Variants in NRG1 observed in about 807,000 individuals in gnomAD.
NRG1 encodes pro-neuregulin-1, membrane-bound isoform.
NRG1 carries 18 observed loss-of-function variants against 63.8 expected under a neutral mutation model. The observed-to-expected ratio is 0.28, with a 90% CI of 0.19 to 0.42. NRG1 has a LOEUF of 0.42. Ranked by LOEUF, NRG1 falls within the 10% of genes least tolerant of loss-of-function variation. The pLI, the probability that NRG1 is intolerant of heterozygous loss-of-function variation, is 1.00. For missense variants in NRG1, 762 were observed against 814.7 expected (o/e 0.94, Z 0.79); for synonymous variants, 302 against 301.3 (o/e 1.00, Z -0.02).
At chr8:32,458,657 C>A (rs1821919399) in intron 1 of NRG1, among the ~76,000 whole-genome samples, 1 of 152,088 alleles carries the variant, frequency 6.6e-6, no homozygotes, top group East Asian at 1.9e-4. Flanking sequence ...CAGGTGAAGT[C>A]ATTTCCTAAC....
chr8:32,170,623 A>T (rs6468088), intron 1 of NRG1, among the ~76,000 whole-genome samples: 11,332 of 152,200 alleles, frequency 0.074, 848 homozygotes, highest in African/African-American at 0.2. Flanking sequence ...CTCTTATTCA[A>T]AATCAAGCTG....
chr8:32,346,093 A>C (rs2129478887), intron 1 of NRG1, among the ~76,000 whole-genome samples: 1 of 147,294 alleles, frequency 6.8e-6, no homozygotes, highest in Admixed American at 6.8e-5. Context: ...TAATTTATAT[A>C]CTTATAAATT....
chr8:32,377,285 T>C (rs1809751234), intron 1 of NRG1, among the ~76,000 whole-genome samples: 1 of 152,228 alleles, frequency 6.6e-6, no homozygotes, highest in African/African-American at 2.4e-5. Flanking sequence ...AAAGGTTGAA[T>C]AACAAGTATT....
Position 32,204,908 on chromosome 8 carries a change from A to G in NRG1, c.38-390920A>G, listed in dbSNP as rs778807591. On this transcript the variant is annotated intron_variant, in intron 1 of 10. Transcript: ENST00000519301. ...CAGAAATGTGTTCAAAATCATATCT[A>G]TAGCAATGATCACCACAGCGGTAGT... 1.2e-4 allele frequency among the ~76,000 whole-genome samples: 18 copies of G among 152,352 alleles called. No individual in the cohort carries two copies. In the South Asian group the frequency reaches 1.4e-3, roughly 12 times the overall value.
rs868554874 is a variant in NRG1, at chr8:31,912,571, T to C, written c.37+273140T>C. On this transcript the variant is annotated intron_variant, in intron 1 of 10. Coordinates refer to the NRG1 transcript ENST00000519301. ...TCTGCAGAGCTTTAGAAATGCTTTT[T>C]TTTTTTTTTTTTTTTTTGATGTGGT... Among the ~76,000 whole-genome samples the C allele has an allele frequency of 5.6e-3, 586 of 104,082 alleles. 6 individuals carry two copies. Among genetic ancestry groups the C allele is most frequent in the African/African-American group, 0.015 (556 of 36,388 alleles). 68.3% of individuals were successfully genotyped at this position (104,082 alleles called of 152,430 possible). A position where few individuals can be genotyped will look rare whatever the true frequency, so the allele number is the denominator to read the frequency against.
chr8:32,405,579 A>T (rs1813844940), intron 1 of NRG1, among the ~76,000 whole-genome samples: 1 of 152,130 alleles, frequency 6.6e-6, no homozygotes. Flanking sequence ...TTTCTCTCCA[A>T]ACAACTGGTT....
intron 1 of NRG1, among the ~76,000 whole-genome samples, chr8:32,360,769 G>T (rs1448184870): frequency 6.6e-6 from 1 of 152,168 alleles, no homozygotes; most frequent in African/African-American, 2.4e-5. Flanking sequence ...TCCTGTAACA[G>T]TTGCCCCCAG....
rs147869210 is a variant in NRG1 at position 32,114,883 on chromosome 8, A to G, written c.37+475452A>G. On this transcript the variant is annotated intron_variant, in intron 1 of 10. Coordinates refer to the NRG1 transcript ENST00000519301. ...GTTGACAAGACAAATGTCTGTTTCT[A>G]CTACTGCAGAGGATAGAGTTTAACC... 3.9e-4 allele frequency among the ~76,000 whole-genome samples: 60 copies of G among 152,292 alleles called. 1 individual carries two copies. The East Asian group carries it at 0.011, about 27-fold the overall frequency.
chr8:31,937,563 C>T (rs535922952), intron 1 of NRG1, among the ~76,000 whole-genome samples: 6 of 152,246 alleles, frequency 3.9e-5, no homozygotes, highest in South Asian at 2.1e-4. Context: ...CCTGAGATGT[C>T]GAAAAACTGT....
intron 1 of NRG1, among the ~76,000 whole-genome samples, chr8:31,865,584 T>A (rs1376914682): frequency 2.6e-5 from 4 of 152,114 alleles, no homozygotes; most frequent in African/African-American, 9.7e-5. Flanking sequence ...GTGAGTGAGT[T>A]ATCATGACAT....
intron 1 of NRG1, among the ~76,000 whole-genome samples, chr8:31,836,315 A>G (rs1450912863): frequency 6.6e-6 from 1 of 152,106 alleles, no homozygotes; most frequent in Non-Finnish European, 1.5e-5. Context: ...TGACTTTATC[A>G]TATTTATTTT....
chr8:31,718,016 T>C (rs1268141195), intron 1 of NRG1, among the ~76,000 whole-genome samples: 1 of 152,194 alleles, frequency 6.6e-6, no homozygotes, highest in African/African-American at 2.4e-5. Flanking sequence ...ATGTTTGATC[T>C]TTTTCTATCA....
intron 1 of NRG1, among the ~76,000 whole-genome samples, chr8:32,309,993 A>G (rs940664058): frequency 1.5e-4 from 23 of 152,222 alleles, no homozygotes; most frequent in African/African-American, 4.8e-4. Context: ...ATTTTGCTCA[A>G]TGAACTTGAT....
chr8:32,255,889 T>C (rs1563238097), intron 1 of NRG1, among the ~76,000 whole-genome samples: 2 of 152,200 alleles, frequency 1.3e-5, no homozygotes, highest in South Asian at 2.1e-4. Context: ...CCATATTTCT[T>C]AGGGGCTTTG....
chr8:31,978,785 A>T (rs926558848), intron 1 of NRG1, among the ~76,000 whole-genome samples: 2 of 152,180 alleles, frequency 1.3e-5, no homozygotes, highest in Non-Finnish European at 2.9e-5. Flanking sequence ...CATGTATGTG[A>T]GATGTTTAAA....
At chr8:31,708,028 G>A (rs970720796) in intron 1 of NRG1, among the ~76,000 whole-genome samples, 2 of 151,790 alleles carry the variant, frequency 1.3e-5, no homozygotes, top group African/African-American at 4.8e-5. Flanking sequence ...GCATGATAAT[G>A]GTTTTTGGTC....
chr8:32,711,727 G>T (rs539791863), intron 5 of NRG1, among the ~76,000 whole-genome samples: 1 of 152,156 alleles, frequency 6.6e-6, no homozygotes, highest in African/African-American at 2.4e-5. Flanking sequence ...CCTCCCTCGT[G>T]ACCTACCTTG....
At chr8:31,752,664 A>C (rs967054364) in intron 1 of NRG1, among the ~76,000 whole-genome samples, 36 of 152,170 alleles carry the variant, frequency 2.4e-4, no homozygotes, top group African/African-American at 8.2e-4. Context: ...GAGATGAATC[A>C]AGGATAATTT....
intron 1 of NRG1, among the ~76,000 whole-genome samples, chr8:31,920,322 T>C (rs1201288389): frequency 6.6e-6 from 1 of 152,062 alleles, no homozygotes; most frequent in East Asian, 1.9e-4. Context: ...AAGATGTATC[T>C]GTACATTCTA....
Sources: allele counts gnomAD v4.1 joint callset (sites outside exome capture counted in the v4.1 genomes callset), GRCh38; gene constraint gnomAD v4.1.1; transcripts MANE v1.5; gene names NCBI Gene and HGNC (gene_info 2026-07-23, HGNC 2026-07-21).